Variants in ZNF532 observed in about 807,000 individuals in gnomAD.
ZNF532 encodes zinc finger protein 532.
ZNF532 carries 22 observed loss-of-function variants against 89.3 expected under a neutral mutation model. The observed-to-expected ratio is 0.25, with a 90% CI of 0.18 to 0.35. ZNF532 has a LOEUF of 0.35. Ranked by LOEUF, ZNF532 falls within the 10% of genes least tolerant of loss-of-function variation. ZNF532 has a pLI of 1.00. For missense variants in ZNF532, 1,132 were observed against 1,643.4 expected (o/e 0.69, Z 5.38); for synonymous variants, 606 against 649.6 (o/e 0.93, Z 1.02).
intron 2 of ZNF532, among the ~76,000 whole-genome samples, chr18:58,882,515 C>T (rs2058007197): frequency 6.6e-6 from 1 of 152,230 alleles, no homozygotes; most frequent in Non-Finnish European, 1.5e-5. Flanking sequence ...GATCTCCGCT[C>T]ATGGCAGCCT....
chr18:58,942,038 C>T (rs2063133381), intron 5 of ZNF532, among the ~76,000 whole-genome samples: 1 of 138,566 alleles, frequency 7.2e-6, no homozygotes, highest in Non-Finnish European at 1.6e-5. Flanking sequence ...TCTACCCCCG[C>T]CCCCCCCTCA....
rs2062218407 is a variant in ZNF532, at chr18:58,934,626, A to G, written c.2528+12A>G. On this transcript the variant is annotated intron_variant, in intron 4 of 9. Transcript: ENST00000591808. ...AGAGTTGGTTTTCGGTCAGTATATCATTCACTTATGTGCAAGTAAAACTCG... is the reference window on the plus strand; with the variant it reads ...AGAGTTGGTTTTCGGTCAGTATATCGTTCACTTATGTGCAAGTAAAACTCG... The G allele has an allele frequency of 6.2e-7, 1 of 1,610,076 alleles. No individual in the cohort carries two copies. The highest frequency in any genetic ancestry group is 1.1e-5 in the South Asian group (1 of 90,542).
intron 2 of ZNF532, among the ~76,000 whole-genome samples, chr18:58,874,368 T>G (rs1233233337): frequency 1.3e-5 from 2 of 152,144 alleles, no homozygotes; most frequent in Admixed American, 1.3e-4. Context: ...TTTTGAGAGA[T>G]AGTTTTGCTC....
intron 7 of ZNF532, among the ~76,000 whole-genome samples, chr18:58,955,952 A>G (rs184758608): frequency 7.2e-4 from 109 of 152,346 alleles, no homozygotes; most frequent in East Asian, 4.4e-3. Context: ...ACCAGATTGC[A>G]TAAGAGTCAA....
intron 5 of ZNF532, among the ~76,000 whole-genome samples, chr18:58,946,659 A>T (rs1370378877): frequency 6.6e-6 from 1 of 152,194 alleles, no homozygotes; most frequent in Non-Finnish European, 1.5e-5. Context: ...GGAAGTGAAC[A>T]TCTTTGTCAC....
intron 7 of ZNF532, among the ~76,000 whole-genome samples, chr18:58,978,195 T>C (rs1310000709): frequency 1.3e-5 from 2 of 152,210 alleles, no homozygotes; most frequent in Non-Finnish European, 2.9e-5. Context: ...TCTCTCTCTC[T>C]CATCCCCTAA....
At chr18:58,930,162 G>T (rs73959536) in intron 3 of ZNF532, among the ~76,000 whole-genome samples, 4,456 of 152,182 alleles carry the variant, frequency 0.029, 227 homozygotes, top group African/African-American at 0.1. Flanking sequence ...GCAAAAACAC[G>T]TAGAATTATT....
At position 58,984,267 on chromosome 18, in the gene ZNF532, A is replaced by G; in HGVS notation, c.3707A>G (p.Lys1236Arg). The change falls in exon 10 of 10, where the codon AAG (lysine) becomes AGG (arginine). Residue 1236 changes from lysine to arginine, a missense_variant. This residue lies in a region of ZNF532 where 415 missense variants were observed against 604.8 expected (regional missense o/e 0.69). Coordinates refer to ENST00000591808, the MANE Select transcript of ZNF532 (RefSeq NM_001375912.1). ...TTAAAGGAACCTCAGCCAGTGTCCA[A>G]GCAAAATGGGGCTGGGGAAGATAAC... is the stretch of plus-strand genomic sequence containing the variant. The part of the protein sequence containing the change: ...HKLKEPQPVS[K>R]QNGAGEDNQQ... 1 of 1,611,982 alleles carries G rather than the reference A, an allele frequency of 6.2e-7. No homozygotes were observed. The highest frequency in any genetic ancestry group is 8.5e-7 in the Non-Finnish European group (1 of 1,179,848).
rs1385910636 is a variant in ZNF532, at chr18:58,888,828, TTATATATATAATTTA to T, written c.-18+23277_-18+23291del. 4.4e-5 allele frequency among the ~76,000 whole-genome samples: 2 copies of T among 45,716 alleles called. 1 individual carries two copies. The highest frequency in any genetic ancestry group is 3.2e-4 in the African/African-American group (2 of 6,244). 30.0% of individuals were successfully genotyped at this position (45,716 alleles called of 152,430 possible). On this transcript the variant is annotated intron_variant, in intron 2 of 9. Coordinates refer to ENST00000591808, the MANE Select transcript of ZNF532 (RefSeq NM_001375912.1). ...ATATATAAAAAATTATATATATAAA[TTATATATATAATTTA>T]TATATATATAATTTATATATATATA...
intron 7 of ZNF532, 42 bp from the exon 8 acceptor site, chr18:58,979,013 C>T: frequency 6.7e-7 from 1 of 1,485,928 alleles, no homozygotes; most frequent in Non-Finnish European, 9.4e-7. Flanking sequence ...TTGAGTGCAT[C>T]TATTTTCATT....
At chr18:58,961,547 T>A (rs1217733151) in intron 7 of ZNF532, among the ~76,000 whole-genome samples, 1 of 152,174 alleles carries the variant, frequency 6.6e-6, no homozygotes, top group African/African-American at 2.4e-5. Context: ...CCAGAATGAA[T>A]TATGTGAGCA....
chr18:58,955,270 A>G (rs1256302738), intron 7 of ZNF532, among the ~76,000 whole-genome samples: 3 of 152,204 alleles, frequency 2.0e-5, no homozygotes, highest in Non-Finnish European at 4.4e-5. Context: ...ACTAAAAAAC[A>G]ACAAAAGAAT....
At chr18:58,967,205 C>T (rs1169641007) in intron 7 of ZNF532, among the ~76,000 whole-genome samples, 1 of 152,104 alleles carries the variant, frequency 6.6e-6, no homozygotes, top group Non-Finnish European at 1.5e-5. Context: ...CCCAACAGAA[C>T]CAATCCCCCT....
At chr18:58,890,104 G>A (rs1449443856) in intron 2 of ZNF532, among the ~76,000 whole-genome samples, 2 of 151,406 alleles carry the variant, frequency 1.3e-5, no homozygotes, top group East Asian at 3.9e-4. Flanking sequence ...AAAATTAGCT[G>A]GGCATGGTGG....
chr18:58,888,761 A>ATATATATAATTTATATATATAAATT (rs1450919884), intron 2 of ZNF532, among the ~76,000 whole-genome samples: 2 of 9,438 alleles, frequency 2.1e-4, no homozygotes, highest in Non-Finnish European at 6.9e-4. Flanking sequence ...ATATAAAATT[A>ATATATATAATTTATATATATAAATT]ATATATATAA....
At chr18:58,976,609 A>G (rs1192930112) in intron 7 of ZNF532, among the ~76,000 whole-genome samples, 1 of 151,670 alleles carries the variant, frequency 6.6e-6, no homozygotes, top group African/African-American at 2.4e-5. Flanking sequence ...CAGTATCATG[A>G]TCTTCTCGGC....
In ZNF532 at chr18:58,920,237, A is replaced by G. The variant is rs1429573485; in HGVS notation, c.1950A>G (p.Thr650=). ...VRIEVTCNHC[T]KNLVFYNKCS... ...TCGAAGTAACGTGCAACCATTGTAC[A>G]AAGAACCTCGTTTTTTACAACAAAT... Residue 650 remains threonine, a synonymous_variant, in exon 3 of 10, where the codon ACA becomes ACG. Coordinates refer to ENST00000591808, the MANE Select transcript of ZNF532 (RefSeq NM_001375912.1). The G allele has an allele frequency of 1.9e-6, 3 of 1,613,976 alleles. No homozygotes were observed. In the African/African-American group the frequency reaches 4.0e-5, roughly 22 times the overall value.
chr18:58,915,279 G>C (rs1316486902), intron 2 of ZNF532, among the ~76,000 whole-genome samples: 2 of 152,196 alleles, frequency 1.3e-5, no homozygotes, highest in African/African-American at 2.4e-5. Flanking sequence ...TGCATTTTCA[G>C]CTTCTAGTCG....
Position 58,939,847 on chromosome 18 carries a change from C to T in ZNF532, c.2705+226C>T, listed in dbSNP as rs115182342. The T allele has an allele frequency of 5.9e-3, 2,090 of 353,464 alleles. 36 individuals are homozygous for T. The highest frequency in any genetic ancestry group is 0.04 in the African/African-American group (1,909 of 47,496). 21.9% of individuals were successfully genotyped at this position (353,464 alleles called of 1,614,324 possible). ...TTACCTATTATTTATGCTCTTGTCA[C>T]GAATTTTTGCTCAACAAGTAAATAT... On this transcript the variant is annotated intron_variant, in intron 5 of 9. Coordinates refer to ENST00000591808, the MANE Select transcript of ZNF532 (RefSeq NM_001375912.1).
Sources: gnomAD v4.1 joint callset for allele counts (sites outside exome capture counted in the v4.1 genomes callset) on GRCh38, gnomAD v4.1.1 for gene constraint, gnomAD v4.1.1 regional missense constraint, MANE v1.5 for transcripts, NCBI Gene and HGNC (gene_info 2026-07-23, HGNC 2026-07-21) for gene names.